Variants in HRAS observed in about 807,000 individuals in gnomAD.
The protein encoded by HRAS is GTPase HRas.
In HRAS, 11 loss-of-function variants were observed where a neutral mutation model predicts 19.8. That is an observed-to-expected ratio of 0.55 (90% CI 0.35 to 0.92). HRAS has a LOEUF of 0.92. Ranked by LOEUF, HRAS falls within the 40% of genes least tolerant of loss-of-function variation. The probability of loss-of-function intolerance (pLI) is 0.01; values close to 1 mark genes in which losing one functional copy is unlikely to be tolerated. For missense variants in HRAS, 204 were observed against 255.9 expected (o/e 0.80, Z 1.38); for synonymous variants, 149 against 105.5 (o/e 1.41, Z -2.52).
chr11:533,730 C>G (rs1331302548), intron 3 of HRAS, 36 bp downstream of exon 3: 2 of 1,611,604 alleles, frequency 1.2e-6, no homozygotes, highest in Admixed American at 3.3e-5. Context: ...CCCACCTGTG[C>G]GGCGTGGGCT....
At position 532,446 on chromosome 11, in the gene HRAS, T is replaced by C; in HGVS notation, c.*82A>G. The C allele has an allele frequency of 1.2e-6, 1 of 805,396 alleles. No individual in the cohort carries two copies. Among genetic ancestry groups the C allele is most frequent in the Non-Finnish European group, 2.0e-6 (1 of 512,760 alleles). The allele number at this position is 805,396 out of a possible 1,614,324, so 49.9% of individuals were successfully genotyped here. Reference sequence around the variant, plus strand: ...CTCCAGCAGCCCTTCCTTCCTTCCTTGCTTCCGTCCTTCCTTCCTCCTCCT... The same window carrying C: ...CTCCAGCAGCCCTTCCTTCCTTCCTCGCTTCCGTCCTTCCTTCCTCCTCCT... On this transcript the variant is annotated 3_prime_UTR_variant, in exon 6 of 6. Transcript: ENST00000311189.
chr11:535,290 CCGCCGCCGCCGCCGCCGCCGCCGCTTA>C (rs1259355018), intron 1 of HRAS, 99 bp downstream of exon 1: 1 of 25,874 alleles, frequency 3.9e-5, no homozygotes, highest in African/African-American at 1.4e-4. Context: ...CCCCACCCAC[CCGCCGCCGCCGCCGCCGCCGCCGCTTA>C]CGCCCGCCGG....
chr11:533,181 G>A (rs1031913958), intron 4 of HRAS: 13 of 1,154,008 alleles, frequency 1.1e-5, no homozygotes, highest in Middle Eastern at 5.8e-4. Context: ...AAGGACCTCC[G>A]CCTTCCCCGG....
At chr11:532,939 C>A (rs546458687) in intron 4 of HRAS, among the ~76,000 whole-genome samples, 184 bp from the exon 5 acceptor site, 1 of 152,200 alleles carries the variant, frequency 6.6e-6, no homozygotes, top group Admixed American at 6.5e-5. Flanking sequence ...CAGGGCCACC[C>A]GCATCATGCT....
At chr11:534,055 G>A (rs1158540813) in intron 2 of HRAS, 111 bp from the exon 3 acceptor site, 2 of 1,314,444 alleles carry the variant, frequency 1.5e-6, no homozygotes, top group East Asian at 4.6e-5. Flanking sequence ...TCCTCTCCTG[G>A]GGTGCTGAGA....
chr11:533,265 CG>C, intron 4 of HRAS, 187 bp downstream of exon 4: 1 of 1,573,772 alleles, frequency 6.4e-7, no homozygotes. Flanking sequence ...CCTGCCGTCC[CG>C]GGAGACTTAC....
intron 2 of HRAS, 80 bp from the exon 3 acceptor site, chr11:534,024 TCTCATGCCC>T (rs748524809): frequency 3.9e-5 from 58 of 1,475,362 alleles, no homozygotes; most frequent in Admixed American, 1.7e-4. Flanking sequence ...CCCTGGTACC[TCTCATGCCC>T]CTCATGCCCC....
In HRAS at chr11:533,500, G is replaced by C. The variant is rs772211333; in HGVS notation, c.403C>G (p.Arg135Gly). 1.2e-6 allele frequency: 2 copies of C among 1,613,606 alleles called. No individual in the cohort carries two copies. Among genetic ancestry groups the C allele is most frequent in the South Asian group, 1.1e-5 (1 of 91,088 alleles). The change falls in exon 4 of 6, where the codon CGA becomes GGA. Residue 135 changes from arginine (R) to glycine (G), a missense_variant. Coordinates refer to ENST00000311189, the MANE Select transcript of HRAS (RefSeq NM_005343.4). ...TCGATGTAGGGGATGCCGTAGCTTC[G>C]GGCGAGGTCCTGAGCCTGCCGAGAT... ...VESRQAQDLA[R>G]SYGIPYIETS... is the part of the protein sequence containing the mutation.
At chr11:534,997 C>G (rs1338481918) in intron 1 of HRAS, among the ~76,000 whole-genome samples, 2 of 152,136 alleles carry the variant, frequency 1.3e-5, no homozygotes. Context: ...GCGGGAGACC[C>G]GGAGAGGGAA....
intron 3 of HRAS, 51 bp downstream of exon 3, chr11:533,715 C>T (rs370318085): frequency 6.2e-7 from 1 of 1,611,950 alleles, no homozygotes; most frequent in Non-Finnish European, 8.5e-7. Context: ...CGCAGCCGGC[C>T]TGGCCCCACC....
rs747151207 is a variant in HRAS at position 532,498 on chromosome 11, G to A, written c.*30C>T. On this transcript the variant is annotated 3_prime_UTR_variant, in exon 6 of 6. Transcript: ENST00000311189. ...CCGTCTGCACCTCCTTCCTGCATCC[G>A]GCACCTCCATGTCCTGAGCTTGTGC... 46 of 1,187,542 alleles carry A rather than the reference G, an allele frequency of 3.9e-5. No individual in the cohort carries two copies. Among genetic ancestry groups the A allele is most frequent in the South Asian group, 7.0e-5 (5 of 71,906 alleles). The allele number at this position is 1,187,542 out of a possible 1,614,324, so 73.6% of individuals were successfully genotyped here. A position where few individuals can be genotyped will look rare whatever the true frequency, so the allele number is the denominator to read the frequency against.
At chr11:534,931 A>G (rs989673589) in intron 1 of HRAS, among the ~76,000 whole-genome samples, 1 of 152,156 alleles carries the variant, frequency 6.6e-6, no homozygotes, top group East Asian at 1.9e-4. Context: ...GCTGGAGAAG[A>G]CAGAGGAGCT....
rs148380285 is a variant in HRAS at position 534,269 on chromosome 11, C to T, written c.54G>A (p.Ala18=). 3.8e-5 allele frequency: 62 copies of T among 1,613,616 alleles called. No homozygotes were observed. Among genetic ancestry groups the T allele is most frequent in the Middle Eastern group, 1.6e-4 (1 of 6,062 alleles). Residue 18 remains alanine, a synonymous_variant, in exon 2 of 6, where the codon GCG becomes GCA. Transcript: ENST00000311189. ...GGTTCTGGATCAGCTGGATGGTCAGCGCACTCTTGCCCACACCGCCGGCGC... is the reference window on the plus strand; with the variant it reads ...GGTTCTGGATCAGCTGGATGGTCAGTGCACTCTTGCCCACACCGCCGGCGC... ...VVGAGGVGKS[A]LTIQLIQNHF...
In HRAS at chr11:532,409, G is replaced by C; in HGVS notation, c.*119C>G. The C allele has an allele frequency of 1.6e-6, 1 of 642,304 alleles. No individual in the cohort carries two copies. 39.8% of individuals were successfully genotyped at this position (642,304 alleles called of 1,614,324 possible). On this transcript the variant is annotated 3_prime_UTR_variant, in exon 6 of 6. Transcript: ENST00000311189. Reference sequence around the variant, plus strand: ...TGCAGTCACCTCGGCCCACGGTCCCGGGGTGACTGGGCTCCAGCAGCCCTT... The same window carrying C: ...TGCAGTCACCTCGGCCCACGGTCCCCGGGTGACTGGGCTCCAGCAGCCCTT...
At chr11:533,081 G>A (rs932141658) in intron 4 of HRAS, among the ~76,000 whole-genome samples, 13 of 152,212 alleles carry the variant, frequency 8.5e-5, no homozygotes, top group African/African-American at 3.1e-4. Flanking sequence ...CTAAGACTCA[G>A]AACCAACAGG....
chr11:534,022 C>T (rs977356522), intron 2 of HRAS, 78 bp from the exon 3 acceptor site: 2 of 1,475,154 alleles, frequency 1.4e-6, no homozygotes, highest in Admixed American at 1.7e-5. Flanking sequence ...CTCCCTGGTA[C>T]CTCTCATGCC....
chr11:534,447 C>T (rs1851332545), intron 1 of HRAS, 72 bp from the exon 2 acceptor site: 1 of 755,648 alleles, frequency 1.3e-6, no homozygotes, highest in South Asian at 1.6e-5. Flanking sequence ...GCTGGCAGGG[C>T]CATCTGAAGG....
intron 2 of HRAS, 43 bp from the exon 3 acceptor site, chr11:533,987 T>TG (rs1851291860): frequency 6.3e-7 from 1 of 1,591,004 alleles, no homozygotes; most frequent in South Asian, 1.1e-5. Flanking sequence ...GGACCTTCCG[T>TG]GGGGGGAGTT....
chr11:532,672 G>C lies in HRAS; in HGVS notation c.534C>G (p.Gly178=), dbSNP rs770431635. ...CACACTTGCAGCTCATGCAGCCGGG[G>C]CCACTCTCATCAGGAGGGTTCAGCT... ...LRKLNPPDES[G]PGCMSCKCVL... The change falls in exon 5 of 6, where the codon GGC becomes GGG. Residue 178 remains glycine, a synonymous_variant. Transcript: ENST00000311189. 1.7e-5 allele frequency: 27 copies of C among 1,612,874 alleles called. No homozygotes were observed. Among genetic ancestry groups the C allele is most frequent in the Non-Finnish European group, 2.3e-5 (27 of 1,179,984 alleles).
Sources: allele counts gnomAD v4.1 joint callset (sites outside exome capture counted in the v4.1 genomes callset), GRCh38; gene constraint gnomAD v4.1.1; transcripts MANE v1.5; gene names NCBI Gene and HGNC (gene_info 2026-07-23, HGNC 2026-07-21).